Variants in SGCZ observed in about 807,000 individuals in gnomAD.
The protein encoded by SGCZ is zeta-sarcoglycan.
Under a neutral mutation model 41.3 loss-of-function variants are expected in SGCZ, and 40 were observed. That is an observed-to-expected ratio of 0.97 (90% CI 0.75 to 1.26). SGCZ has a LOEUF of 1.26. Among genes scored for constraint, SGCZ ranks in the 50% most tolerant of loss-of-function variants. The pLI is 0.00. For missense variants in SGCZ, 552 were observed against 369.8 expected, an observed-to-expected ratio of 1.49 and a Z score of -4.04; for synonymous variants, 206 against 137.5, an observed-to-expected ratio of 1.50 and a Z score of -3.49.
intron 2 of SGCZ, among the ~76,000 whole-genome samples, chr8:14,356,483 A>G (rs1200037069): frequency 6.6e-6 from 1 of 152,188 alleles, no homozygotes; most frequent in Non-Finnish European, 1.5e-5. Flanking sequence ...TGAGGAAGAA[A>G]TAATAAATCT....
At chr8:14,454,797 C>T (rs550385113) in intron 2 of SGCZ, among the ~76,000 whole-genome samples, 4 of 152,166 alleles carry the variant, frequency 2.6e-5, no homozygotes, top group South Asian at 2.1e-4. Flanking sequence ...GAGCTTTTAA[C>T]GGAGGGTGCT....
intron 4 of SGCZ, among the ~76,000 whole-genome samples, chr8:14,187,520 T>C (rs1283281245): frequency 6.6e-6 from 1 of 152,054 alleles, no homozygotes; most frequent in Non-Finnish European, 1.5e-5. Context: ...AACAAAGATA[T>C]AGGAATTATA....
At chr8:14,493,355 C>CTTTTTTTTTTTTTTTTTTTTTTTT (rs1563365484) in intron 2 of SGCZ, among the ~76,000 whole-genome samples, 1 of 66,242 alleles carries the variant, frequency 1.5e-5, no homozygotes, top group Admixed American at 1.7e-4. Context: ...CACTATCATC[C>CTTTTTTTTTTTTTTTTTTTTTTTT]TTTCTTTTTT....
At chr8:15,118,847 G>A (rs62499782) in intron 1 of SGCZ, among the ~76,000 whole-genome samples, 1 of 151,992 alleles carries the variant, frequency 6.6e-6, no homozygotes, top group African/African-American at 2.4e-5. Flanking sequence ...ATGCCTTTAA[G>A]TAATACGATA....
intron 1 of SGCZ, among the ~76,000 whole-genome samples, chr8:14,739,866 T>C (rs1182508408): frequency 6.6e-6 from 1 of 152,032 alleles, no homozygotes; most frequent in Admixed American, 6.6e-5. Context: ...TCTATCGCAA[T>C]TTCTCATTTA....
chr8:14,707,675 T>G (rs2117615313), intron 1 of SGCZ, among the ~76,000 whole-genome samples: 1 of 152,224 alleles, frequency 6.6e-6, no homozygotes, highest in East Asian at 1.9e-4. Flanking sequence ...CTTCTAAAAC[T>G]CTAGCCATTA....
At chr8:14,503,578 G>A (rs1802217550) in intron 2 of SGCZ, among the ~76,000 whole-genome samples, 1 of 152,036 alleles carries the variant, frequency 6.6e-6, no homozygotes. Flanking sequence ...GACTACCCTG[G>A]CCAACATGCT....
At chr8:14,733,576 T>A (rs1035795846) in intron 1 of SGCZ, among the ~76,000 whole-genome samples, 1 of 152,206 alleles carries the variant, frequency 6.6e-6, no homozygotes, top group Non-Finnish European at 1.5e-5. Context: ...CTTCCTTGAA[T>A]CTTTTCTTGT....
intron 2 of SGCZ, among the ~76,000 whole-genome samples, chr8:14,414,899 T>C (rs1799454295): frequency 1.3e-5 from 2 of 151,990 alleles, no homozygotes; most frequent in Non-Finnish European, 1.5e-5. Flanking sequence ...TACTTTGAAA[T>C]TATTGTTGCT....
intron 1 of SGCZ, among the ~76,000 whole-genome samples, chr8:14,885,593 G>A (rs1460322244): frequency 6.6e-6 from 1 of 152,034 alleles, no homozygotes; most frequent in African/African-American, 2.4e-5. Flanking sequence ...CTGAGGGAAG[G>A]TGTCCTTGCT....
At chr8:14,602,412 C>A (rs967996102) in intron 1 of SGCZ, among the ~76,000 whole-genome samples, 1 of 151,334 alleles carries the variant, frequency 6.6e-6, no homozygotes, top group African/African-American at 2.4e-5. Context: ...ATTGGGAGGC[C>A]GAGGTGGGAA....
At chr8:14,545,328 T>A (rs1287868063) in intron 2 of SGCZ, among the ~76,000 whole-genome samples, 1 of 152,046 alleles carries the variant, frequency 6.6e-6, no homozygotes, top group African/African-American at 2.4e-5. Flanking sequence ...CCCAATAAGA[T>A]AATTTTTATT....
At chr8:15,079,238 G>A (rs1447983485) in intron 1 of SGCZ, among the ~76,000 whole-genome samples, 1 of 152,048 alleles carries the variant, frequency 6.6e-6, no homozygotes, top group East Asian at 1.9e-4. Flanking sequence ...TTATAGGCAG[G>A]AATGTACCCC....
chr8:14,295,590 G>A (rs754853275), intron 3 of SGCZ, among the ~76,000 whole-genome samples: 3 of 152,078 alleles, frequency 2.0e-5, no homozygotes, highest in Non-Finnish European at 4.4e-5. Flanking sequence ...TCAACCATCT[G>A]CTGTAAAATG....
chr8:14,111,497 A>T (rs998479150), intron 5 of SGCZ, among the ~76,000 whole-genome samples: 2 of 152,210 alleles, frequency 1.3e-5, no homozygotes, highest in Admixed American at 6.5e-5. Flanking sequence ...ACAGAGACAC[A>T]TATTAATATG....
chr8:15,002,954 G>A (rs13265890), intron 1 of SGCZ, among the ~76,000 whole-genome samples: 74,285 of 151,692 alleles, frequency 0.49, 18,545 homozygotes, highest in African/African-American at 0.52. Flanking sequence ...CATCTCACAA[G>A]ATCTGATGGT....
At chr8:14,406,870 G>A (rs1799225016) in intron 2 of SGCZ, among the ~76,000 whole-genome samples, 1 of 152,062 alleles carries the variant, frequency 6.6e-6, no homozygotes. Context: ...GTATAGGGTA[G>A]CCTCCTTTCG....
At chr8:14,324,873 G>T (rs1443552818) in intron 2 of SGCZ, among the ~76,000 whole-genome samples, 1 of 152,156 alleles carries the variant, frequency 6.6e-6, no homozygotes, top group Non-Finnish European at 1.5e-5. Flanking sequence ...GGAAGAGATT[G>T]ACTACGATAA....
intron 1 of SGCZ, among the ~76,000 whole-genome samples, chr8:15,184,950 A>C (rs1231177797): frequency 6.6e-6 from 1 of 152,142 alleles, no homozygotes; most frequent in East Asian, 1.9e-4. Flanking sequence ...TGGAGACTGT[A>C]ACTGGGGAGT....
Sources: allele counts gnomAD v4.1 joint callset (sites outside exome capture counted in the v4.1 genomes callset), GRCh38; gene constraint gnomAD v4.1.1; transcripts MANE v1.5; gene names NCBI Gene and HGNC (gene_info 2026-07-23, HGNC 2026-07-21).